The following SH3BGR variants were observed in gnomAD, a reference collection of about 807,000 sequenced individuals.
The protein encoded by SH3BGR is SH3 domain binding glutamate rich protein, also known as SH3 domain-binding glutamic acid-rich protein.
A neutral mutation model predicts 24.5 loss-of-function variants in SH3BGR; 29 were observed. The observed-to-expected ratio is 1.18, with a 90% CI of 0.88 to 1.61. The LOEUF (loss-of-function observed/expected upper bound fraction) is 1.61. SH3BGR is among the 40% of genes most tolerant of loss of function. The pLI, the probability that SH3BGR is intolerant of heterozygous loss-of-function variation, is 0.00. For missense variants in SH3BGR, 162 were observed against 205.8 expected (o/e 0.79, Z 1.30); for synonymous variants, 55 against 65.7 (o/e 0.84, Z 0.79).
intron 4 of SH3BGR, among the ~76,000 whole-genome samples, chr21:39,506,197 A>G (rs1045150339): frequency 3.3e-5 from 5 of 152,212 alleles, no homozygotes; most frequent in African/African-American, 1.2e-4. Context: ...AAACACACAG[A>G]CTAGTGAGGG....
chr21:39,507,229 C>T (rs2078598492), intron 4 of SH3BGR, among the ~76,000 whole-genome samples: 1 of 152,162 alleles, frequency 6.6e-6, no homozygotes, highest in Non-Finnish European at 1.5e-5. Context: ...CAGTGCCCGT[C>T]TCAGAAATAG....
chr21:39,499,069 C>T (rs1350366296), intron 3 of SH3BGR, among the ~76,000 whole-genome samples: 6 of 152,144 alleles, frequency 3.9e-5, no homozygotes, highest in African/African-American at 1.2e-4. Context: ...CATTAGATCT[C>T]GTGAGAACTC....
At chr21:39,480,926 T>C (rs922239769) in intron 3 of SH3BGR, among the ~76,000 whole-genome samples, 1 of 152,232 alleles carries the variant, frequency 6.6e-6, no homozygotes, top group Non-Finnish European at 1.5e-5. Context: ...ATGTGGTATC[T>C]TATTTGCTTT....
intron 2 of SH3BGR, among the ~76,000 whole-genome samples, chr21:39,464,015 A>G (rs1295005578): frequency 6.6e-6 from 1 of 152,070 alleles, no homozygotes; most frequent in East Asian, 1.9e-4. Flanking sequence ...CTTCTTTCCT[A>G]GCTTCTAAAG....
intron 4 of SH3BGR, among the ~76,000 whole-genome samples, chr21:39,502,184 T>G (rs2123512253): frequency 6.6e-6 from 1 of 152,194 alleles, no homozygotes; most frequent in East Asian, 1.9e-4. Flanking sequence ...AAAAAATTGC[T>G]GAAATGGGAG....
At chr21:39,470,008 T>C (rs578015713) in intron 2 of SH3BGR, among the ~76,000 whole-genome samples, 332 of 152,276 alleles carry the variant, frequency 2.2e-3, no homozygotes, top group African/African-American at 7.8e-3. Context: ...TATACCTTTC[T>C]TTTTTGACCC....
intron 2 of SH3BGR, among the ~76,000 whole-genome samples, chr21:39,472,170 A>C (rs114157732): frequency 0.028 from 4,269 of 152,306 alleles, 208 homozygotes; most frequent in African/African-American, 0.098. Context: ...CTAAAACAGA[A>C]TACCACAGAC....
intron 4 of SH3BGR, among the ~76,000 whole-genome samples, chr21:39,508,349 GTA>G (rs1445481713): frequency 6.6e-6 from 1 of 152,214 alleles, no homozygotes; most frequent in Middle Eastern, 3.2e-3. Context: ...TTTAGGAGCT[GTA>G]ACCTGGTTAT....
intron 3 of SH3BGR, among the ~76,000 whole-genome samples, chr21:39,486,018 G>A (rs542259840): frequency 6.6e-6 from 1 of 152,274 alleles, no homozygotes; most frequent in Non-Finnish European, 1.5e-5. Flanking sequence ...AATGCCATCA[G>A]AAACCTGAAC....
intron 1 of SH3BGR, among the ~76,000 whole-genome samples, chr21:39,446,419 G>A (rs2077467470): frequency 6.6e-6 from 1 of 152,054 alleles, no homozygotes; most frequent in South Asian, 2.1e-4. Context: ...AATCTTTGAG[G>A]TCACCCCTGA....
intron 3 of SH3BGR, among the ~76,000 whole-genome samples, chr21:39,484,756 G>A (rs949165422): frequency 4.6e-5 from 7 of 152,172 alleles, no homozygotes; most frequent in African/African-American, 7.2e-5. Flanking sequence ...AGTACAGTTC[G>A]TGCTAGAGCC....
intron 3 of SH3BGR, among the ~76,000 whole-genome samples, chr21:39,477,176 T>C (rs1164000277): frequency 2.6e-5 from 4 of 152,258 alleles, no homozygotes; most frequent in African/African-American, 9.6e-5. Context: ...TATTCCTATA[T>C]GTTTAATTTT....
intron 1 of SH3BGR, among the ~76,000 whole-genome samples, chr21:39,460,521 G>A (rs552437808): frequency 9.9e-5 from 15 of 151,872 alleles, no homozygotes; most frequent in Non-Finnish European, 1.3e-4. Context: ...TCACTCTGTC[G>A]CCCAGGCTGG....
chr21:39,506,173 C>G (rs1347330824), intron 4 of SH3BGR, among the ~76,000 whole-genome samples: 1 of 152,182 alleles, frequency 6.6e-6, no homozygotes, highest in Non-Finnish European at 1.5e-5. Flanking sequence ...GAATAAGACA[C>G]AGGTTATGCC....
intron 3 of SH3BGR, among the ~76,000 whole-genome samples, chr21:39,482,784 C>T (rs2078151572): frequency 1.3e-5 from 2 of 152,188 alleles, no homozygotes; most frequent in Admixed American, 6.5e-5. Flanking sequence ...ATTCTTGTGC[C>T]TCAGCCTCCA....
chr21:39,484,658 C>T (rs1430980228), intron 3 of SH3BGR, among the ~76,000 whole-genome samples: 4 of 152,144 alleles, frequency 2.6e-5, no homozygotes, highest in African/African-American at 4.8e-5. Context: ...CCTAAGAGGC[C>T]GTCCAGTCCA....
At chr21:39,484,411 G>A (rs1203198587) in intron 3 of SH3BGR, among the ~76,000 whole-genome samples, 1 of 152,118 alleles carries the variant, frequency 6.6e-6, no homozygotes, top group East Asian at 1.9e-4. Context: ...GGACAGGTTT[G>A]TTTATTGTAA....
At chr21:39,459,886 A>G (rs550951940) in intron 1 of SH3BGR, among the ~76,000 whole-genome samples, 3 of 152,226 alleles carry the variant, frequency 2.0e-5, no homozygotes, top group Non-Finnish European at 2.9e-5. Context: ...ACTTTTTGTA[A>G]GTTTCTCCCT....
intron 3 of SH3BGR, among the ~76,000 whole-genome samples, chr21:39,495,171 A>G (rs991267408): frequency 2.0e-4 from 30 of 152,170 alleles, no homozygotes; most frequent in African/African-American, 7.0e-4. Flanking sequence ...AAATTCCAGC[A>G]TCCAGGTCTT....
Sources: allele counts gnomAD v4.1 joint callset (sites outside exome capture counted in the v4.1 genomes callset), GRCh38; gene constraint gnomAD v4.1.1; transcripts MANE v1.5; gene names NCBI Gene and HGNC (gene_info 2026-07-23, HGNC 2026-07-21).